The following CNTNAP2 variants were observed in gnomAD, a reference collection of about 807,000 sequenced individuals.
The protein encoded by CNTNAP2 is contactin associated protein 2.
In CNTNAP2, 98 loss-of-function variants were observed where a neutral mutation model predicts 155.2. The observed-to-expected ratio is 0.63, with a 90% CI of 0.54 to 0.75. CNTNAP2 has a LOEUF of 0.75. CNTNAP2 is among the 30% of genes least tolerant of loss of function. The pLI is 0.00. For missense variants in CNTNAP2, 1,727 were observed against 1,688.1 expected (o/e 1.02, Z -0.40); for synonymous variants, 651 against 631.2 (o/e 1.03, Z -0.47).
intron 3 of CNTNAP2, among the ~76,000 whole-genome samples, chr7:146,982,558 G>A (rs1026099589): frequency 4.6e-5 from 7 of 152,140 alleles, no homozygotes; most frequent in South Asian, 2.1e-4. Flanking sequence ...ACAGGAACAC[G>A]TGTTGCTATG....
chr7:146,792,243 C>A (rs184037441), intron 2 of CNTNAP2, among the ~76,000 whole-genome samples: 2 of 150,562 alleles, frequency 1.3e-5, no homozygotes, highest in South Asian at 2.1e-4. Flanking sequence ...TATATGACAT[C>A]TTATATCAAA....
chr7:147,874,317 C>A (rs533871191), intron 13 of CNTNAP2, among the ~76,000 whole-genome samples: 15 of 152,378 alleles, frequency 9.8e-5, no homozygotes, highest in Admixed American at 5.9e-4. Context: ...AAACTTCTTC[C>A]TGGACATCCA....
At chr7:147,246,364 G>A (rs888687324) in intron 8 of CNTNAP2, among the ~76,000 whole-genome samples, 2 of 152,032 alleles carry the variant, frequency 1.3e-5, no homozygotes, top group African/African-American at 4.8e-5. Context: ...CAATAAGAAG[G>A]ATGTCTTAGT....
chr7:148,147,606 T>C lies in CNTNAP2; in HGVS notation c.2670T>C (p.Asn890=), dbSNP rs780990440. 12 of 1,613,916 alleles carry C rather than the reference T, an allele frequency of 7.4e-6. No individual in the cohort carries two copies. The South Asian group carries it at 1.3e-4, about 18-fold the overall frequency. ...GGCACCGGGTCACTGCAGAGAGGAA[T>C]GTCAAGCAGGCCAGCCTACAGGTGG... ...DQWHRVTAER[N]VKQASLQVDR... The change falls in exon 17 of 24, where the codon AAT becomes AAC. Residue 890 remains asparagine, a synonymous_variant. Coordinates refer to ENST00000361727, the MANE Select transcript of CNTNAP2 (RefSeq NM_014141.6).
Position 146,371,928 on chromosome 7 carries a change from C to T in CNTNAP2, c.97+254955C>T, listed in dbSNP as rs553732804. ...AAGCCAAGATCGCGCCACTGCACTC[C>T]AGCCTGGGCGACAGAGTGAAACTCC... On this transcript the variant is annotated intron_variant, in intron 1 of 23. Coordinates refer to ENST00000361727, the MANE Select transcript of CNTNAP2 (RefSeq NM_014141.6). 4.1e-5 allele frequency among the ~76,000 whole-genome samples: 6 copies of T among 147,224 alleles called. No individual in the cohort carries two copies. The South Asian group carries it at 1.3e-3, about 31-fold the overall frequency.
intron 2 of CNTNAP2, among the ~76,000 whole-genome samples, chr7:146,805,924 A>G (rs1454914194): frequency 6.6e-6 from 1 of 152,210 alleles, no homozygotes; most frequent in Non-Finnish European, 1.5e-5. Flanking sequence ...AGCTGGCCAG[A>G]ATAATTAAAG....
At position 147,859,351 on chromosome 7, in the gene CNTNAP2, G is replaced by A. The variant is rs186392349; in HGVS notation, c.2099-44214G>A. On this transcript the variant is annotated intron_variant, in intron 13 of 23. Coordinates refer to ENST00000361727, the MANE Select transcript of CNTNAP2 (RefSeq NM_014141.6). The stretch of plus-strand genomic sequence containing the variant: ...ACCAAGGAGAGAAAAAAGCCATGCC[G>A]TGCTACAAAATAAACTCTGTAAAGC... 1.8e-4 allele frequency among the ~76,000 whole-genome samples: 27 copies of A among 150,332 alleles called. 1 individual carries two copies. The highest frequency in any genetic ancestry group is 1.8e-3 in the Admixed American group (27 of 15,038).
intron 1 of CNTNAP2, among the ~76,000 whole-genome samples, chr7:146,722,043 A>T (rs1801345935): frequency 6.7e-6 from 1 of 150,268 alleles, no homozygotes; most frequent in Non-Finnish European, 1.5e-5. Flanking sequence ...GCCGGCTACC[A>T]TGCCTGGCTA....
chr7:147,378,013 T>A (rs1320582147), intron 9 of CNTNAP2: 2 of 467,990 alleles, frequency 4.3e-6, no homozygotes, highest in Non-Finnish European at 8.8e-6. Context: ...CCCTTTTCTC[T>A]CCTCTGAAAT....
chr7:147,587,018 C>CA (rs1445205251), intron 12 of CNTNAP2, among the ~76,000 whole-genome samples: 1 of 152,082 alleles, frequency 6.6e-6, no homozygotes, highest in Non-Finnish European at 1.5e-5. Context: ...TAGATACTGG[C>CA]AACCTAACAA....
intron 13 of CNTNAP2, among the ~76,000 whole-genome samples, chr7:147,864,203 G>A (rs1262553721): frequency 6.6e-6 from 1 of 152,074 alleles, no homozygotes; most frequent in Admixed American, 6.5e-5. Context: ...CCCATTTCTT[G>A]TTTTTGTCAG....
intron 14 of CNTNAP2, among the ~76,000 whole-genome samples, chr7:147,924,496 G>T (rs967111448): frequency 3.3e-5 from 5 of 152,030 alleles, no homozygotes; most frequent in African/African-American, 1.2e-4. Flanking sequence ...CTATAAAATA[G>T]GTACAATTAC....
At chr7:147,751,107 A>C (rs924026283) in intron 13 of CNTNAP2, among the ~76,000 whole-genome samples, 1 of 151,546 alleles carries the variant, frequency 6.6e-6, no homozygotes, top group Non-Finnish European at 1.5e-5. Context: ...GCTTTGAAGA[A>C]AAAGGCTAGA....
intron 10 of CNTNAP2, among the ~76,000 whole-genome samples, chr7:147,484,031 T>C (rs1400464190): frequency 1.3e-5 from 2 of 152,104 alleles, no homozygotes; most frequent in African/African-American, 4.8e-5. Flanking sequence ...CCTTTGTTTA[T>C]CATCCACTTG....
intron 1 of CNTNAP2, among the ~76,000 whole-genome samples, chr7:146,169,000 C>T (rs1393332583): frequency 1.3e-5 from 2 of 152,166 alleles, no homozygotes; most frequent in African/African-American, 2.4e-5. Flanking sequence ...TCCAGGCTTT[C>T]GTACATACTG....
chr7:146,816,922 A>G (rs1803182437), intron 2 of CNTNAP2, among the ~76,000 whole-genome samples: 1 of 152,186 alleles, frequency 6.6e-6, no homozygotes, highest in South Asian at 2.1e-4. Flanking sequence ...GGAAAATATC[A>G]TAGATAATAA....
At chr7:146,134,410 C>T (rs1354980981) in intron 1 of CNTNAP2, among the ~76,000 whole-genome samples, 3 of 148,952 alleles carry the variant, frequency 2.0e-5, no homozygotes, top group Non-Finnish European at 4.5e-5. Context: ...ATTTCCTTCT[C>T]CTGCCTAATT....
intron 8 of CNTNAP2, among the ~76,000 whole-genome samples, chr7:147,274,761 G>C (rs1353365813): frequency 1.3e-5 from 2 of 151,902 alleles, no homozygotes; most frequent in African/African-American, 4.8e-5. Context: ...CCAATGTTCA[G>C]AAGAATTTTT....
At chr7:146,398,125 G>A (rs912459828) in intron 1 of CNTNAP2, among the ~76,000 whole-genome samples, 1 of 149,214 alleles carries the variant, frequency 6.7e-6, no homozygotes, top group African/African-American at 2.5e-5. Flanking sequence ...GCCTGCCTTA[G>A]CCTTCCAAAG....
Sources: gnomAD v4.1 joint callset for allele counts (sites outside exome capture counted in the v4.1 genomes callset) on GRCh38, gnomAD v4.1.1 for gene constraint, MANE v1.5 for transcripts, NCBI Gene and HGNC (gene_info 2026-07-23, HGNC 2026-07-21) for gene names.